Variants in LRP1B observed in about 807,000 individuals in gnomAD.
LRP1B encodes the protein LDL receptor related protein 1B, also known as low-density lipoprotein receptor-related protein 1B.
In LRP1B, 217 loss-of-function variants were observed where a neutral mutation model predicts 556.6. The observed-to-expected ratio is 0.39, with a 90% CI of 0.35 to 0.44. LRP1B has a LOEUF of 0.44. Among genes scored for constraint, LRP1B ranks in the 20% least tolerant of loss-of-function variants. The pLI is 1.00. For synonymous variants in LRP1B, 2,047 were observed against 1,865.8 expected (o/e 1.10, Z -2.50); for missense variants, 5,053 against 5,620.8 (o/e 0.90, Z 3.23).
intron 27 of LRP1B, among the ~76,000 whole-genome samples, chr2:140,856,776 C>CAT (rs1692633256): frequency 7.3e-6 from 1 of 137,870 alleles, no homozygotes; most frequent in African/African-American, 2.7e-5. Context: ...CACACACACA[C>CAT]ACACATTGTT....
In LRP1B at chr2:141,348,393, TAATA is replaced by T. The variant is rs1688327803; in HGVS notation, c.344-93756_344-93753del. ...GCACAAAATGATGATAACTTCTACT[TAATA>T]AATAAGATTTCAAAGCAAATGAGTG... On this transcript the variant is annotated intron_variant, in intron 3 of 90. Coordinates refer to ENST00000389484, the MANE Select transcript of LRP1B (RefSeq NM_018557.3). Among the ~76,000 whole-genome samples the T allele has an allele frequency of 5.3e-5, 8 of 152,086 alleles. No individual in the cohort carries two copies. In the South Asian group the frequency reaches 1.7e-3, roughly 32 times the overall value.
At chr2:141,458,029 A>T (rs1681698624) in intron 3 of LRP1B, among the ~76,000 whole-genome samples, 1 of 152,190 alleles carries the variant, frequency 6.6e-6, no homozygotes, top group Non-Finnish European at 1.5e-5. Context: ...ACAAAATAAA[A>T]GTACTGTTTG....
chr2:141,716,012 G>A (rs1045278558), intron 2 of LRP1B, among the ~76,000 whole-genome samples: 1 of 152,116 alleles, frequency 6.6e-6, no homozygotes, highest in African/African-American at 2.4e-5. Flanking sequence ...AATTCAGATA[G>A]AACACCATAT....
chr2:140,923,623 T>C (rs1050632035), intron 20 of LRP1B, among the ~76,000 whole-genome samples: 1 of 152,058 alleles, frequency 6.6e-6, no homozygotes, highest in African/African-American at 2.4e-5. Flanking sequence ...GTAAGTACTT[T>C]CTAACAAAAT....
At chr2:140,327,509 G>T (rs757377609) in intron 79 of LRP1B, among the ~76,000 whole-genome samples, 1 of 152,000 alleles carries the variant, frequency 6.6e-6, no homozygotes, top group African/African-American at 2.4e-5. Context: ...AGAATTATGA[G>T]TAATATGAAC....
Position 140,702,173 on chromosome 2 carries a change from T to G in LRP1B, c.6270A>C (p.Ala2090=), listed in dbSNP as rs1422043219. 6.2e-7 allele frequency: 1 copy of G among 1,613,616 alleles called. No homozygotes were observed. The highest frequency in any genetic ancestry group is 2.2e-5 in the East Asian group (1 of 44,860). Residue 2090 remains alanine, a synonymous_variant, in exon 39 of 91, where the codon GCA becomes GCC. Transcript: ENST00000389484. ...ACCAGTAGATGTAAGCCCCAAAGAC[T>G]GCAACTGAAAACATATCCACATTGC... The part of the protein sequence containing the change: ...SGSNVDMFSV[A]VFGAYIYWSD...
intron 7 of LRP1B, among the ~76,000 whole-genome samples, chr2:141,178,489 G>T (rs1680840789): frequency 6.6e-6 from 1 of 152,070 alleles, no homozygotes; most frequent in African/African-American, 2.4e-5. Context: ...CTGTACAAAA[G>T]GAACTATAAA....
intron 1 of LRP1B, among the ~76,000 whole-genome samples, chr2:142,123,183 C>G (rs13420312): frequency 0.13 from 19,308 of 152,012 alleles, 1,623 homozygotes; most frequent in African/African-American, 0.24. Flanking sequence ...TAGGAACACA[C>G]AAAGCAACCA....
chr2:140,657,832 A>C (rs1684947420), intron 41 of LRP1B, among the ~76,000 whole-genome samples: 1 of 151,960 alleles, frequency 6.6e-6, no homozygotes, highest in Non-Finnish European at 1.5e-5. Flanking sequence ...TTACTGATGT[A>C]ATAGCCTGTT....
At chr2:141,027,354 A>G (rs1170082919) in intron 11 of LRP1B, among the ~76,000 whole-genome samples, 1 of 152,156 alleles carries the variant, frequency 6.6e-6, no homozygotes, top group Non-Finnish European at 1.5e-5. Context: ...TATTAGGATT[A>G]AAGGAGAGAA....
At position 140,444,414 on chromosome 2, in the gene LRP1B, T is replaced by A. The variant is rs2105304268; in HGVS notation, c.10210A>T (p.Thr3404Ser). The change falls in exon 65 of 91, where the codon ACC becomes TCC. Residue 3404 changes from threonine to serine, a missense_variant. Thr to Ser is a moderately conservative substitution (Grantham distance 58). This residue lies in a region of LRP1B where 262 missense variants were observed against 395.1 expected (regional missense o/e 0.66). Coordinates refer to ENST00000389484, the MANE Select transcript of LRP1B (RefSeq NM_018557.3). Reference protein sequence around the residue: ...HVCLSGQFKCTKNQKCIPVNL... With the variant: ...HVCLSGQFKCSKNQKCIPVNL... The stretch of plus-strand genomic sequence containing the variant: ...ACTGGGATACATTTCTGGTTCTTGG[T>A]ACATTTGAATTGACCTGACAGGCAG... The A allele has an allele frequency of 6.2e-7, 1 of 1,613,992 alleles. No individual in the cohort carries two copies.
chr2:140,627,395 T>TC (rs1019042708), intron 41 of LRP1B, among the ~76,000 whole-genome samples: 1 of 152,130 alleles, frequency 6.6e-6, no homozygotes, highest in African/African-American at 2.4e-5. Flanking sequence ...TCTTTTGGCC[T>TC]CCATTTTTCT....
chr2:141,067,769 C>A (rs571536724), intron 7 of LRP1B, among the ~76,000 whole-genome samples: 5 of 152,048 alleles, frequency 3.3e-5, no homozygotes, highest in South Asian at 2.1e-4. Flanking sequence ...TCACTAGGAC[C>A]CTTTCTCTCA....
intron 18 of LRP1B, among the ~76,000 whole-genome samples, chr2:140,964,402 G>C (rs1313973648): frequency 6.6e-6 from 1 of 152,062 alleles, no homozygotes; most frequent in Non-Finnish European, 1.5e-5. Flanking sequence ...AACTCCCCCA[G>C]GGAAAGGGAG....
chr2:140,290,224 C>A (rs1010543302), intron 84 of LRP1B, among the ~76,000 whole-genome samples: 3 of 151,884 alleles, frequency 2.0e-5, no homozygotes, highest in Non-Finnish European at 4.4e-5. Flanking sequence ...GTTAAGAAGA[C>A]AAAGTAGGGG....
chr2:140,288,348 T>A (rs957401426), intron 84 of LRP1B, among the ~76,000 whole-genome samples: 1 of 151,820 alleles, frequency 6.6e-6, no homozygotes, highest in East Asian at 1.9e-4. Flanking sequence ...AAGGTTATCA[T>A]ATTATCTATA....
intron 5 of LRP1B, among the ~76,000 whole-genome samples, chr2:141,237,531 A>C (rs1263784226): frequency 6.6e-6 from 1 of 151,976 alleles, no homozygotes. Context: ...TATCTTTGGC[A>C]TTGTAAAAAC....
At chr2:141,977,150 T>G (rs2105087382) in intron 1 of LRP1B, among the ~76,000 whole-genome samples, 1 of 152,320 alleles carries the variant, frequency 6.6e-6, no homozygotes, top group East Asian at 1.9e-4. Flanking sequence ...TTTAAACTTT[T>G]TTTTGATCTT....
At chr2:141,346,593 C>A (rs956138128) in intron 3 of LRP1B, among the ~76,000 whole-genome samples, 1 of 152,072 alleles carries the variant, frequency 6.6e-6, no homozygotes, top group Non-Finnish European at 1.5e-5. Context: ...GTGAGGTATA[C>A]CCTGAACGAA....
Sources: gnomAD v4.1 joint callset for allele counts (sites outside exome capture counted in the v4.1 genomes callset) on GRCh38, gnomAD v4.1.1 for gene constraint, gnomAD v4.1.1 regional missense constraint, MANE v1.5 for transcripts, NCBI Gene and HGNC (gene_info 2026-07-23, HGNC 2026-07-21) for gene names.